Variants in ANO3 observed in about 807,000 individuals in gnomAD.
ANO3 encodes anoctamin-3.
In ANO3, 99 loss-of-function variants were observed where a neutral mutation model predicts 144.8. That is an observed-to-expected ratio of 0.68 (90% CI 0.58 to 0.81). ANO3 has a LOEUF of 0.81. Ranked by LOEUF, ANO3 falls within the 30% of genes least tolerant of loss-of-function variation. The probability of loss-of-function intolerance (pLI) is 0.00; values close to 1 mark genes in which losing one functional copy is unlikely to be tolerated. For synonymous variants in ANO3, 414 were observed against 392.6 expected, an observed-to-expected ratio of 1.05 and a Z score of -0.64; for missense variants, 905 against 1,202.2, an observed-to-expected ratio of 0.75 and a Z score of 3.66.
chr11:26,451,068 C>A (rs1858912769), intron 3 of ANO3, among the ~76,000 whole-genome samples: 2 of 152,118 alleles, frequency 1.3e-5, no homozygotes, highest in Admixed American at 6.5e-5. Context: ...ATAAAGCATA[C>A]AATTGATGAT....
At chr11:26,233,298 C>T (rs1030535406) in intron 1 of ANO3, among the ~76,000 whole-genome samples, 3 of 151,764 alleles carry the variant, frequency 2.0e-5, no homozygotes, top group African/African-American at 7.3e-5. Flanking sequence ...TGAACAGACA[C>T]GTCTCAGAAT....
chr11:26,392,098 C>G (rs1856896636), intron 1 of ANO3, among the ~76,000 whole-genome samples: 1 of 152,044 alleles, frequency 6.6e-6, no homozygotes, highest in African/African-American at 2.4e-5. Flanking sequence ...ACACAGCATG[C>G]CCAAAACTCT....
intron 1 of ANO3, among the ~76,000 whole-genome samples, chr11:26,315,178 A>T (rs1854593386): frequency 6.6e-6 from 1 of 152,118 alleles, no homozygotes; most frequent in Non-Finnish European, 1.5e-5. Context: ...GTTTTCTATC[A>T]GTCCAAAAAT....
Position 26,397,353 on chromosome 11 carries a change from T to A in ANO3, c.47-44565T>A, listed in dbSNP as rs183952016. 3.1e-3 allele frequency among the ~76,000 whole-genome samples: 474 copies of A among 152,242 alleles called. 4 individuals are homozygous for A. Among genetic ancestry groups the A allele is most frequent in the Non-Finnish European group, 3.6e-3 (242 of 68,002 alleles). On this transcript the variant is annotated intron_variant, in intron 1 of 26. Transcript: ENST00000256737. ...CTTTAGAAGTTTTCAACTGGTATTA[T>A]AATGTTTTATTTTTAGCTTGCTTTC...
intron 1 of ANO3, among the ~76,000 whole-genome samples, chr11:26,214,530 GACTTCCCTTCAT>G (rs1851999533): frequency 6.6e-6 from 1 of 151,852 alleles, no homozygotes; most frequent in Non-Finnish European, 1.5e-5. Flanking sequence ...GAAATAGTTT[GACTTCCCTTCAT>G]AGTTTGTCCT....
In ANO3 at chr11:26,565,462, G is replaced by T. The variant is rs1486640608; in HGVS notation, c.1447+5683G>T. ...GTAGCATTGGGATGTGCTGAGATGG[G>T]CAAAAGATCTTCATCTGCTATAGGT... On this transcript the variant is annotated intron_variant, in intron 14 of 26. Transcript: ENST00000256737. 1.2e-6 allele frequency: 2 copies of T among 1,613,226 alleles called. No homozygotes were observed. The highest frequency in any genetic ancestry group is 2.7e-5 in the African/African-American group (2 of 74,816).
At chr11:26,287,659 T>C (rs1853839579) in intron 1 of ANO3, 1 of 152,190 alleles carries the variant, frequency 6.6e-6, no homozygotes, top group African/African-American at 2.4e-5. Context: ...CAAAGTCACA[T>C]AGTTAATAAT....
intron 4 of ANO3, among the ~76,000 whole-genome samples, chr11:26,504,343 C>T (rs189633934): frequency 3.8e-4 from 58 of 152,176 alleles, no homozygotes; most frequent in Admixed American, 3.2e-3. Flanking sequence ...CTCTTCCTTT[C>T]TTCCTTCTCT....
At chr11:26,399,702 G>A (rs1458397572) in intron 1 of ANO3, among the ~76,000 whole-genome samples, 1 of 151,754 alleles carries the variant, frequency 6.6e-6, no homozygotes, top group African/African-American at 2.4e-5. Flanking sequence ...TTTGTTGATG[G>A]TTGAAGGTAT....
chr11:26,282,758 A>G (rs1853708393), intron 1 of ANO3, among the ~76,000 whole-genome samples: 1 of 152,194 alleles, frequency 6.6e-6, no homozygotes, highest in African/African-American at 2.4e-5. Flanking sequence ...ATGAAGCCTC[A>G]GTAGTCTTAA....
intron 8 of ANO3, among the ~76,000 whole-genome samples, chr11:26,534,016 A>G (rs927002350): frequency 6.6e-6 from 1 of 152,138 alleles, no homozygotes; most frequent in African/African-American, 2.4e-5. Context: ...CTTCATTGCT[A>G]CTCTTCCCAT....
At chr11:26,334,583 G>C (rs1381185) in intron 1 of ANO3, among the ~76,000 whole-genome samples, 1 of 151,942 alleles carries the variant, frequency 6.6e-6, no homozygotes, top group Non-Finnish European at 1.5e-5. Flanking sequence ...AATTTCTTTG[G>C]ACTTTGCTTC....
intron 1 of ANO3, among the ~76,000 whole-genome samples, chr11:26,441,186 C>T (rs552080717): frequency 1.6e-5 from 2 of 127,536 alleles, no homozygotes; most frequent in South Asian, 2.8e-4. Flanking sequence ...GGCGGGATCT[C>T]GGCTCACTGC....
In ANO3 at chr11:26,541,959, A is replaced by C; in HGVS notation, c.1045A>C (p.Ser349Arg). 1 of 1,610,934 alleles carries C rather than the reference A, an allele frequency of 6.2e-7. No individual in the cohort carries two copies. Among genetic ancestry groups the C allele is most frequent in the Non-Finnish European group, 8.5e-7 (1 of 1,178,418 alleles). Reference protein sequence around the residue: ...AFPPHEGAYKSSQPIKTHGPQ... With the variant: ...AFPPHEGAYKRSQPIKTHGPQ... ...TTATCTGTTGCAGGGAGCCTACAAAAGTAGCCAGCCCATTAAAACCCATGG... is the reference window on the plus strand; with the variant it reads ...TTATCTGTTGCAGGGAGCCTACAAACGTAGCCAGCCCATTAAAACCCATGG... Residue 349 changes from serine to arginine, a missense_variant, in exon 11 of 27, where the codon AGT becomes CGT. Coordinates refer to ENST00000256737, the MANE Select transcript of ANO3 (RefSeq NM_031418.4).
intron 3 of ANO3, among the ~76,000 whole-genome samples, chr11:26,456,060 T>C (rs1297078922): frequency 6.6e-6 from 1 of 151,556 alleles, no homozygotes; most frequent in Non-Finnish European, 1.5e-5. Flanking sequence ...TTACACCTTA[T>C]ACAAAAATCA....
chr11:26,447,322 T>A (rs1048598950), intron 3 of ANO3, among the ~76,000 whole-genome samples: 3 of 152,036 alleles, frequency 2.0e-5, no homozygotes, highest in African/African-American at 7.2e-5. Context: ...ACCTGTCTTA[T>A]CTCACTTAAT....
chr11:26,456,741 C>T lies in ANO3; in HGVS notation c.314-6289C>T, dbSNP rs534289988. On this transcript the variant is annotated intron_variant, in intron 3 of 26. Coordinates refer to ENST00000256737, the MANE Select transcript of ANO3 (RefSeq NM_031418.4). Reference sequence around the variant, plus strand: ...CATTACTGGGTATATACCCAAAGGACTATAAATCATGCTGCTATAAAGACA... The same window carrying T: ...CATTACTGGGTATATACCCAAAGGATTATAAATCATGCTGCTATAAAGACA... 5.0e-4 allele frequency among the ~76,000 whole-genome samples: 63 copies of T among 125,532 alleles called. 1 individual carries two copies. The highest frequency in any genetic ancestry group is 1.9e-3 in the African/African-American group (58 of 31,206). The allele number at this position is 125,532 out of a possible 152,430, so 82.4% of individuals were successfully genotyped here.
chr11:26,329,437 TC>T (rs1320517613), upstream of ANO3, among the ~76,000 whole-genome samples: 2 of 151,874 alleles, frequency 1.3e-5, no homozygotes, highest in African/African-American at 4.8e-5. Context: ...TCTAGCAACC[TC>T]CCCTAAAAGA....
At chr11:26,360,220 C>T (rs540860606) in intron 1 of ANO3, among the ~76,000 whole-genome samples, 1 of 115,234 alleles carries the variant, frequency 8.7e-6, no homozygotes, top group Non-Finnish European at 1.6e-5. Flanking sequence ...GCTTTTGTTG[C>T]CTCCTGGTTC....
Sources: gnomAD v4.1 joint callset for allele counts (sites outside exome capture counted in the v4.1 genomes callset) on GRCh38, gnomAD v4.1.1 for gene constraint, MANE v1.5 for transcripts, NCBI Gene and HGNC (gene_info 2026-07-23, HGNC 2026-07-21) for gene names.